MAP3K20: variants seen among roughly 807,000 people sequenced by gnomAD.
MAP3K20 encodes the protein HCCS-4.
A neutral mutation model predicts 85.7 loss-of-function variants in MAP3K20; 40 were observed. The observed-to-expected ratio is 0.47, with a 90% CI of 0.36 to 0.61. The LOEUF (loss-of-function observed/expected upper bound fraction) is 0.61. Ranked by LOEUF, MAP3K20 falls within the 20% of genes least tolerant of loss-of-function variation. The probability of loss-of-function intolerance (pLI) is 0.00; values close to 1 mark genes in which losing one functional copy is unlikely to be tolerated. For missense variants in MAP3K20, 817 were observed against 961.7 expected, an observed-to-expected ratio of 0.85 and a Z score of 1.99; for synonymous variants, 325 against 327.7, an observed-to-expected ratio of 0.99 and a Z score of 0.09.
At chr2:173,225,934 T>C (rs1005731871) in intron 11 of MAP3K20, 15 of 984,752 alleles carry the variant, frequency 1.5e-5, no homozygotes, top group Non-Finnish European at 1.8e-5. Flanking sequence ...AAAAAACTCA[T>C]TGAGATAGCT....
In MAP3K20 at chr2:173,134,397, T is replaced by TAC. The variant is rs1559245901; in HGVS notation, c.160-35407_160-35406insCA. On this transcript the variant is annotated intron_variant, in intron 2 of 19. Coordinates refer to ENST00000375213, the MANE Select transcript of MAP3K20 (RefSeq NM_016653.3). ...GTGTGTGTGTGTGTCTCTATACATA[T>TAC]ATATATATATATATATATATATATA... Among the ~76,000 whole-genome samples, 32 of 9,090 alleles carry TAC rather than the reference T, an allele frequency of 3.5e-3. 1 individual carries two copies. The highest frequency in any genetic ancestry group is 0.011 in the African/African-American group (30 of 2,804). The allele number at this position is 9,090 out of a possible 152,430, so 6.0% of individuals were successfully genotyped here.
At chr2:173,242,886 C>G (rs1480502408) in intron 16 of MAP3K20, among the ~76,000 whole-genome samples, 2 of 151,476 alleles carry the variant, frequency 1.3e-5, no homozygotes, top group African/African-American at 4.9e-5. Flanking sequence ...TTTGTATTTT[C>G]AGTACAGACA....
intron 1 of MAP3K20, among the ~76,000 whole-genome samples, chr2:173,081,047 A>G (rs1480302707): frequency 6.6e-6 from 1 of 152,230 alleles, no homozygotes; most frequent in African/African-American, 2.4e-5. Flanking sequence ...ATAGCCACAG[A>G]TACCCCAATG....
intron 1 of MAP3K20, among the ~76,000 whole-genome samples, chr2:173,088,620 G>A (rs772020108): frequency 1.3e-5 from 2 of 152,162 alleles, no homozygotes; most frequent in Non-Finnish European, 2.9e-5. Flanking sequence ...GATAAGCTTT[G>A]TAGTTCAATT....
intron 3 of MAP3K20, among the ~76,000 whole-genome samples, chr2:173,179,229 T>C (rs1243259528): frequency 1.3e-5 from 2 of 151,772 alleles, no homozygotes; most frequent in Admixed American, 6.6e-5. Context: ...CCGTCTCTAC[T>C]AAAAACACAA....
chr2:173,181,456 C>A (rs1690323524), intron 3 of MAP3K20, among the ~76,000 whole-genome samples: 1 of 151,998 alleles, frequency 6.6e-6, no homozygotes, highest in Non-Finnish European at 1.5e-5. Flanking sequence ...AATGGTAGAG[C>A]CTCTTTGGAA....
chr2:173,196,179 C>T (rs1333256564), intron 7 of MAP3K20, among the ~76,000 whole-genome samples: 1 of 152,150 alleles, frequency 6.6e-6, no homozygotes, highest in Non-Finnish European at 1.5e-5. Context: ...AGGCTAACTC[C>T]CTGTTCCCAT....
intron 9 of MAP3K20, among the ~76,000 whole-genome samples, chr2:173,209,269 C>T (rs1213044878): frequency 1.3e-5 from 2 of 151,876 alleles, no homozygotes; most frequent in Non-Finnish European, 1.5e-5. Context: ...AGGTAGATTT[C>T]CCCCCAACGC....
At chr2:173,089,416 C>T (rs1411136344) in intron 1 of MAP3K20, among the ~76,000 whole-genome samples, 1 of 145,706 alleles carries the variant, frequency 6.9e-6, no homozygotes, top group Non-Finnish European at 1.6e-5. Context: ...CCAAGCAATA[C>T]ATCCAAGGAC....
intron 8 of MAP3K20, among the ~76,000 whole-genome samples, chr2:173,203,218 G>T (rs1683548120): frequency 6.6e-6 from 1 of 152,154 alleles, no homozygotes; most frequent in South Asian, 2.1e-4. Flanking sequence ...GTTAGAACAG[G>T]ACCATCCTCA....
intron 14 of MAP3K20, among the ~76,000 whole-genome samples, chr2:173,233,235 T>C (rs1242757170): frequency 5.3e-5 from 8 of 152,212 alleles, no homozygotes; most frequent in Non-Finnish European, 1.2e-4. Flanking sequence ...AATTTCTGCA[T>C]GGCCAAAGGG....
intron 2 of MAP3K20, among the ~76,000 whole-genome samples, chr2:173,103,067 A>AG (rs1266026322): frequency 1.3e-5 from 2 of 152,150 alleles, no homozygotes; most frequent in African/African-American, 4.8e-5. Flanking sequence ...AAGAAAAAAA[A>AG]GAAAAGAAAA....
intron 3 of MAP3K20, among the ~76,000 whole-genome samples, chr2:173,172,591 A>G (rs1342612278): frequency 6.6e-6 from 1 of 152,010 alleles, no homozygotes; most frequent in Non-Finnish European, 1.5e-5. Context: ...ATACTTGTGC[A>G]TGTGTGTTTG....
At chr2:173,143,937 A>G (rs1451790440) in intron 2 of MAP3K20, among the ~76,000 whole-genome samples, 1 of 152,140 alleles carries the variant, frequency 6.6e-6, no homozygotes, top group Admixed American at 6.5e-5. Flanking sequence ...CATTGAAATA[A>G]ATTCATCAAA....
At chr2:173,077,033 TG>T (rs1424942385) in intron 1 of MAP3K20, among the ~76,000 whole-genome samples, 36 of 149,566 alleles carry the variant, frequency 2.4e-4, no homozygotes, top group African/African-American at 8.2e-4. Flanking sequence ...TTACTATTTT[TG>T]TTAGTTTCTG....
intron 1 of MAP3K20, among the ~76,000 whole-genome samples, chr2:173,088,890 A>G (rs969075343): frequency 1.3e-5 from 2 of 152,222 alleles, no homozygotes; most frequent in African/African-American, 4.8e-5. Flanking sequence ...TTTGGATACT[A>G]TGATCTTTCC....
At chr2:173,079,652 T>TA (rs1421384766) in intron 1 of MAP3K20, among the ~76,000 whole-genome samples, 2 of 136,480 alleles carry the variant, frequency 1.5e-5, no homozygotes, top group African/African-American at 3.1e-5. Context: ...TTTTTAAATT[T>TA]AAAAAAAAAT....
intron 2 of MAP3K20, among the ~76,000 whole-genome samples, chr2:173,144,086 G>A (rs551455866): frequency 2.6e-5 from 4 of 151,942 alleles, no homozygotes; most frequent in South Asian, 2.1e-4. Flanking sequence ...ACACGAGCCC[G>A]GGTATTCAAG....
At chr2:173,133,998 AAAAAAC>A (rs1688696070) in intron 2 of MAP3K20, among the ~76,000 whole-genome samples, 2 of 148,432 alleles carry the variant, frequency 1.3e-5, no homozygotes, top group African/African-American at 2.5e-5. Context: ...CTCAAAAAAC[AAAAAAC>A]AAAAAACAAA....
Sources: allele counts gnomAD v4.1 joint callset (sites outside exome capture counted in the v4.1 genomes callset), GRCh38; gene constraint gnomAD v4.1.1; transcripts MANE v1.5; gene names NCBI Gene and HGNC (gene_info 2026-07-23, HGNC 2026-07-21).